RNFT2: variants seen among roughly 807,000 people sequenced by gnomAD.
The protein encoded by RNFT2 is E3 ubiquitin-protein ligase RNFT2.
A neutral mutation model predicts 53.0 loss-of-function variants in RNFT2; 36 were observed. The observed-to-expected ratio is 0.68, with a 90% CI of 0.52 to 0.90. The LOEUF is 0.90. Ranked by LOEUF, RNFT2 falls within the 40% of genes least tolerant of loss-of-function variation. The probability of loss-of-function intolerance (pLI) is 0.00; values close to 1 mark genes in which losing one functional copy is unlikely to be tolerated. For missense variants in RNFT2, 514 were observed against 585.6 expected (o/e 0.88, Z 1.26); for synonymous variants, 260 against 253.2 (o/e 1.03, Z -0.26).
At position 116,851,762 on chromosome 12, in the gene RNFT2, A is replaced by G. The variant is rs2088231; in HGVS notation, c.*2314A>G. 1 of 764,452 alleles carries G rather than the reference A, an allele frequency of 1.3e-6. No individual in the cohort carries two copies. The allele number at this position is 764,452 out of a possible 1,614,324, so 47.4% of individuals were successfully genotyped here. On this transcript the variant is annotated 3_prime_UTR_variant, in exon 11 of 11. Coordinates refer to ENST00000257575, the MANE Select transcript of RNFT2 (RefSeq NM_001382266.1). ...TCTGTCTAAAAAAAAAAAGAAAGAA[A>G]GAAGGGAGGGAGGGAGGAAGGAAGG...
intron 7 of RNFT2, among the ~76,000 whole-genome samples, chr12:116,826,662 T>C (rs1313580130): frequency 1.3e-5 from 2 of 152,174 alleles, no homozygotes; most frequent in African/African-American, 4.8e-5. Flanking sequence ...TTATTTGCTG[T>C]GACATCAGTG....
At chr12:116,830,886 T>G (rs1876608269) in intron 7 of RNFT2, among the ~76,000 whole-genome samples, 1 of 146,778 alleles carries the variant, frequency 6.8e-6, no homozygotes, top group Admixed American at 6.9e-5. Context: ...CCTGCCTGGG[T>G]GAAAGAGCAA....
chr12:116,792,053 A>T (rs1346441223), intron 7 of RNFT2, among the ~76,000 whole-genome samples: 3 of 151,664 alleles, frequency 2.0e-5, no homozygotes, highest in Non-Finnish European at 2.9e-5. Context: ...CCTTTGGAAA[A>T]TTTTCTTTTT....
intron 7 of RNFT2, among the ~76,000 whole-genome samples, chr12:116,816,178 T>C (rs1280775139): frequency 6.6e-6 from 1 of 152,332 alleles, no homozygotes; most frequent in East Asian, 1.9e-4. Context: ...CAACATCTTA[T>C]AATTAGGCCT....
At chr12:116,837,292 G>A (rs960613985) in intron 10 of RNFT2, among the ~76,000 whole-genome samples, 1 of 152,128 alleles carries the variant, frequency 6.6e-6, no homozygotes, top group Non-Finnish European at 1.5e-5. Context: ...GAAGCTCACA[G>A]TCTCTGCCGG....
At chr12:116,813,813 G>C (rs1189927159) in intron 7 of RNFT2, among the ~76,000 whole-genome samples, 4 of 152,196 alleles carry the variant, frequency 2.6e-5, no homozygotes, top group Non-Finnish European at 5.9e-5. Context: ...ACCAGACTTG[G>C]AGTCAAGCAG....
chr12:116,835,794 G>GA (rs1876927348), intron 8 of RNFT2, among the ~76,000 whole-genome samples, 166 bp from the exon 9 acceptor site: 1 of 152,182 alleles, frequency 6.6e-6, no homozygotes, highest in Non-Finnish European at 1.5e-5. Flanking sequence ...CAAGACAAAA[G>GA]CCATGCAACA....
Position 116,740,512 on chromosome 12 carries a change from A to T in RNFT2, c.15A>T (p.Thr5=). Residue 5 remains threonine (T), a synonymous_variant, in exon 2 of 11, where the codon ACA becomes ACT. Transcript: ENST00000257575. ...TTCTGAAGTCCATGTGGCTCTTCAC[A>T]GTGAATCAGGTGACACGTCTCCAAG... MWLF[T]VNQVLRKMQR... is the part of the protein sequence containing the mutation. The T allele has an allele frequency of 6.4e-7, 1 of 1,573,328 alleles. No individual in the cohort carries two copies. Among genetic ancestry groups the T allele is most frequent in the East Asian group, 2.3e-5 (1 of 43,162 alleles).
chr12:116,806,267 G>A (rs1875046424), intron 7 of RNFT2, among the ~76,000 whole-genome samples: 1 of 152,000 alleles, frequency 6.6e-6, no homozygotes, highest in African/African-American at 2.4e-5. Context: ...CTACTTGGAA[G>A]GCTGAGGCAT....
At chr12:116,847,011 C>T (rs1024488046) in intron 10 of RNFT2, among the ~76,000 whole-genome samples, 1 of 150,144 alleles carries the variant, frequency 6.7e-6, no homozygotes, top group African/African-American at 2.5e-5. Context: ...TGGGTTCAAA[C>T]GATTCTCCTG....
intron 7 of RNFT2, among the ~76,000 whole-genome samples, chr12:116,833,160 C>A (rs1876770232): frequency 6.6e-6 from 1 of 152,120 alleles, no homozygotes; most frequent in Non-Finnish European, 1.5e-5. Flanking sequence ...CTTAAGTGAT[C>A]CACCTGCCTG....
At chr12:116,764,522 T>C (rs1279304670) in intron 5 of RNFT2, among the ~76,000 whole-genome samples, 1 of 151,982 alleles carries the variant, frequency 6.6e-6, no homozygotes, top group African/African-American at 2.4e-5. Context: ...AGGTTCGGAG[T>C]TGGGGACAGA....
At chr12:116,846,933 C>G (rs1877649780) in intron 10 of RNFT2, among the ~76,000 whole-genome samples, 2 of 133,906 alleles carry the variant, frequency 1.5e-5, no homozygotes, top group South Asian at 4.7e-4. Flanking sequence ...GAGATGGAAT[C>G]TAGCTCACTC....
chr12:116,749,943 C>T lies in RNFT2; in HGVS notation c.186C>T (p.Gly62=), dbSNP rs1208776849. Residue 62 remains glycine (G), a synonymous_variant, in exon 4 of 11, where the codon GGC becomes GGT. Transcript: ENST00000257575. ...CCTCCCCACCAGCGCTCTTCTCGGGCTTATCAGGCAGCCTCCCCACCAGCT... is the reference window on the plus strand; with the variant it reads ...CCTCCCCACCAGCGCTCTTCTCGGGTTTATCAGGCAGCCTCCCCACCAGCT... ...EAASPPALFS[G]LSGSLPTSSF... is the part of the protein sequence containing the mutation. 2.5e-6 allele frequency: 4 copies of T among 1,572,846 alleles called. No homozygotes were observed. Among genetic ancestry groups the T allele is most frequent in the Non-Finnish European group, 3.5e-6 (4 of 1,159,078 alleles).
intron 6 of RNFT2, among the ~76,000 whole-genome samples, chr12:116,777,614 T>C (rs894984085): frequency 1.3e-5 from 2 of 152,188 alleles, no homozygotes; most frequent in African/African-American, 4.8e-5. Flanking sequence ...CATATTTGCC[T>C]TTCTGTGCCT....
intron 6 of RNFT2, among the ~76,000 whole-genome samples, chr12:116,771,685 A>G (rs972249581): frequency 6.6e-6 from 1 of 152,032 alleles, no homozygotes; most frequent in African/African-American, 2.4e-5. Flanking sequence ...CTACACCCCA[A>G]ATACATGTCC....
chr12:116,782,930 G>A (rs1054735746), intron 7 of RNFT2, among the ~76,000 whole-genome samples: 1 of 152,072 alleles, frequency 6.6e-6, no homozygotes, highest in Non-Finnish European at 1.5e-5. Flanking sequence ...AAACTCTTCA[G>A]TTACCTGATT....
At chr12:116,803,994 A>G (rs1565865152) in intron 7 of RNFT2, among the ~76,000 whole-genome samples, 1 of 152,192 alleles carries the variant, frequency 6.6e-6, no homozygotes, top group Non-Finnish European at 1.5e-5. Context: ...GCCTGGGGGA[A>G]GATTAAGTGG....
intron 7 of RNFT2, among the ~76,000 whole-genome samples, chr12:116,795,711 T>C (rs142842447): frequency 0.019 from 2,916 of 152,156 alleles, 51 homozygotes; most frequent in Middle Eastern, 0.034. Flanking sequence ...AGGTAGCAGA[T>C]GGAGAAACAT....
Sources: gnomAD v4.1 joint callset for allele counts (sites outside exome capture counted in the v4.1 genomes callset) on GRCh38, gnomAD v4.1.1 for gene constraint, MANE v1.5 for transcripts, NCBI Gene and HGNC (gene_info 2026-07-23, HGNC 2026-07-21) for gene names.